The following LPIN2 variants were observed in gnomAD, a reference collection of about 807,000 sequenced individuals.
LPIN2 encodes the protein lipin 2.
Under a neutral mutation model 111.4 loss-of-function variants are expected in LPIN2, and 55 were observed. The ratio of observed to expected loss-of-function variants is 0.49; its 90% CI spans 0.40 to 0.62. The LOEUF is 0.62. Among genes scored for constraint, LPIN2 ranks in the 20% least tolerant of loss-of-function variants. The probability of loss-of-function intolerance (pLI) is 0.00; values close to 1 mark genes in which losing one functional copy is unlikely to be tolerated. For synonymous variants in LPIN2, 425 were observed against 414.0 expected, an observed-to-expected ratio of 1.03 and a Z score of -0.32; for missense variants, 992 against 1,112.1, an observed-to-expected ratio of 0.89 and a Z score of 1.54.
Position 2,980,116 on chromosome 18 carries a change from C to T in LPIN2, c.-9-19267G>A, listed in dbSNP as rs367993317. ...ATGGAGAGTGGGAGCTAAAACATGGCTTGAAAATGGAACTCAGAAAATGTT... is the reference window on the plus strand; with the variant it reads ...ATGGAGAGTGGGAGCTAAAACATGGTTTGAAAATGGAACTCAGAAAATGTT... On this transcript the variant is annotated intron_variant, in intron 1 of 19. Coordinates refer to ENST00000677752, the MANE Select transcript of LPIN2 (RefSeq NM_001375808.2). Among the ~76,000 whole-genome samples the T allele has an allele frequency of 5.0e-4, 76 of 152,250 alleles. No individual in the cohort carries two copies. In the East Asian group the frequency reaches 8.9e-3, roughly 18 times the overall value.
intron 2 of LPIN2, among the ~76,000 whole-genome samples, chr18:2,956,627 G>T (rs1486828920): frequency 6.6e-6 from 1 of 152,134 alleles, no homozygotes; most frequent in African/African-American, 2.4e-5. Flanking sequence ...GTCAAACTGG[G>T]ACAATCTGAG....
intron 1 of LPIN2, among the ~76,000 whole-genome samples, chr18:2,973,177 C>A (rs1252452364): frequency 1.3e-5 from 2 of 151,810 alleles, no homozygotes; most frequent in African/African-American, 4.8e-5. Flanking sequence ...TTGAACTATT[C>A]AAAATAGATT....
chr18:2,978,653 T>A (rs1173416015), intron 1 of LPIN2, among the ~76,000 whole-genome samples: 1 of 152,254 alleles, frequency 6.6e-6, no homozygotes, highest in East Asian at 1.9e-4. Context: ...GAATAAAGTC[T>A]GTAGTTTCAT....
intron 1 of LPIN2, among the ~76,000 whole-genome samples, chr18:2,983,325 A>G (rs1408178822): frequency 1.3e-5 from 2 of 152,184 alleles, no homozygotes. Context: ...TATTTTCACA[A>G]TTCTGGGAGA....
chr18:2,937,747 C>T lies in LPIN2; in HGVS notation c.1113G>A (p.Glu371=). Reference sequence around the variant, plus strand: ...CTGCCGGTTTGGATTCTGAGGGCGCCTCCGCTAAGGCTGCGTTGGGAAGGT... The same window carrying T: ...CTGCCGGTTTGGATTCTGAGGGCGCTTCCGCTAAGGCTGCGTTGGGAAGGT... ...ADHLPNAALA[E]APSESKPAAK... Residue 371 remains glutamate (E), a synonymous_variant, in exon 7 of 20, where the codon GAG becomes GAA. Transcript: ENST00000677752. 2 of 1,614,072 alleles carry T rather than the reference C, an allele frequency of 1.2e-6. No individual in the cohort carries two copies. Among genetic ancestry groups the T allele is most frequent in the Non-Finnish European group, 1.7e-6 (2 of 1,180,026 alleles).
chr18:2,985,844 C>T (rs2078179401), intron 1 of LPIN2, among the ~76,000 whole-genome samples: 1 of 152,168 alleles, frequency 6.6e-6, no homozygotes, highest in Non-Finnish European at 1.5e-5. Flanking sequence ...GGAAACACAA[C>T]ACCTTGCTCC....
chr18:2,987,910 A>G (rs2078209564), intron 1 of LPIN2, among the ~76,000 whole-genome samples: 1 of 149,270 alleles, frequency 6.7e-6, no homozygotes. Flanking sequence ...GTGGTGGCTC[A>G]CGCCTGTAAT....
intron 1 of LPIN2, among the ~76,000 whole-genome samples, chr18:2,994,760 A>G (rs567513485): frequency 6.6e-6 from 1 of 152,254 alleles, no homozygotes; most frequent in African/African-American, 2.4e-5. Flanking sequence ...GGTGACAGCC[A>G]AAAAAATGTC....
chr18:3,012,767 G>A (rs1159106627), intron 1 of LPIN2, among the ~76,000 whole-genome samples: 7 of 151,978 alleles, frequency 4.6e-5, no homozygotes, highest in African/African-American at 1.7e-4. Context: ...AGGGAACTGC[G>A]CGGGTTCAGA....
chr18:2,999,837 A>G (rs2078404249), intron 1 of LPIN2, among the ~76,000 whole-genome samples: 1 of 152,064 alleles, frequency 6.6e-6, no homozygotes, highest in Non-Finnish European at 1.5e-5. Flanking sequence ...GACATTCTAT[A>G]GAAGGGTTGG....
chr18:2,938,262 G>A (rs577111642), intron 6 of LPIN2, among the ~76,000 whole-genome samples: 4 of 152,220 alleles, frequency 2.6e-5, no homozygotes, highest in Admixed American at 2.0e-4. Flanking sequence ...AGTGGCTCAC[G>A]CCTATAATCC....
In LPIN2 at chr18:2,920,882, C is replaced by T; in HGVS notation, c.2443-1G>A. On this transcript the variant is annotated splice_acceptor_variant, in intron 18 of 19. Transcript: ENST00000677752. LOFTEE classifies it high-confidence loss of function. ...CAACTTGTGTGTAGGCATAGACATC[C>T]TGCAGAAGAAAATAGCAAGCGGGTG... 1 of 1,606,230 alleles carries T rather than the reference C, an allele frequency of 6.2e-7. No homozygotes were observed. The highest frequency in any genetic ancestry group is 8.5e-7 in the Non-Finnish European group (1 of 1,172,786).
At chr18:2,989,328 G>T (rs983652939) in intron 1 of LPIN2, among the ~76,000 whole-genome samples, 1 of 151,438 alleles carries the variant, frequency 6.6e-6, no homozygotes, top group Admixed American at 6.6e-5. Flanking sequence ...AAATGCCTAG[G>T]AATAAATTTA....
intron 1 of LPIN2, among the ~76,000 whole-genome samples, chr18:3,003,456 G>C (rs919454660): frequency 3.3e-5 from 5 of 152,190 alleles, no homozygotes; most frequent in Non-Finnish European, 7.3e-5. Flanking sequence ...ACCCTAAACA[G>C]AGGGACCAGC....
intron 1 of LPIN2, among the ~76,000 whole-genome samples, chr18:3,008,391 G>C (rs143882032): frequency 6.6e-6 from 1 of 152,324 alleles, no homozygotes; most frequent in East Asian, 1.9e-4. Context: ...GCAGTGAGCC[G>C]AGATTGCACC....
intron 1 of LPIN2, among the ~76,000 whole-genome samples, chr18:2,974,175 C>T (rs895221814): frequency 6.6e-6 from 1 of 152,150 alleles, no homozygotes; most frequent in South Asian, 2.1e-4. Context: ...CTCCCAGGTT[C>T]ACACCATTCT....
intron 3 of LPIN2, among the ~76,000 whole-genome samples, chr18:2,954,299 C>T (rs2077578532): frequency 6.6e-6 from 1 of 152,222 alleles, no homozygotes. Context: ...GCTCCCTGCA[C>T]CCTGAAACTT....
intron 4 of LPIN2, among the ~76,000 whole-genome samples, chr18:2,949,296 T>C (rs1414700204): frequency 6.6e-6 from 1 of 152,200 alleles, no homozygotes; most frequent in Non-Finnish European, 1.5e-5. Flanking sequence ...GAATCAATGA[T>C]ATTTAAAAGT....
chr18:2,971,163 T>A (rs2143293088), intron 1 of LPIN2, among the ~76,000 whole-genome samples: 1 of 152,282 alleles, frequency 6.6e-6, no homozygotes, highest in African/African-American at 2.4e-5. Context: ...ATCAGCCCAA[T>A]AATTTTCTGG....
Sources: gnomAD v4.1 joint callset for allele counts (sites outside exome capture counted in the v4.1 genomes callset) on GRCh38, gnomAD v4.1.1 for gene constraint, MANE v1.5 for transcripts, NCBI Gene and HGNC (gene_info 2026-07-23, HGNC 2026-07-21) for gene names.